IPCEF1: variants seen among roughly 807,000 people sequenced by gnomAD.
IPCEF1 encodes interaction protein for cytohesin exchange factors 1.
In IPCEF1, 31 loss-of-function variants were observed where a neutral mutation model predicts 50.9. The ratio of observed to expected loss-of-function variants is 0.61; its 90% CI spans 0.46 to 0.82. The LOEUF is 0.82. Ranked by LOEUF, IPCEF1 falls within the 40% of genes least tolerant of loss-of-function variation. The pLI, the probability that IPCEF1 is intolerant of heterozygous loss-of-function variation, is 0.00. For synonymous variants in IPCEF1, 181 were observed against 192.0 expected, an observed-to-expected ratio of 0.94 and a Z score of 0.47; for missense variants, 458 against 514.0, an observed-to-expected ratio of 0.89 and a Z score of 1.05.
intron 11 of IPCEF1, among the ~76,000 whole-genome samples, chr6:154,161,690 G>T (rs1436311455): frequency 6.6e-6 from 1 of 152,110 alleles, no homozygotes; most frequent in African/African-American, 2.4e-5. Flanking sequence ...GTAAGTCATG[G>T]CCCCTCTTCT....
At position 154,235,787 on chromosome 6, in the gene IPCEF1, C is replaced by T. The variant is rs1233728770; in HGVS notation, c.246+10804G>A. On this transcript the variant is annotated intron_variant, in intron 5 of 11. Coordinates refer to ENST00000367220, the MANE Select transcript of IPCEF1 (RefSeq NM_001130700.2). ...TATGGAAATGGCCAATAAGCACATGCGAAAGTTGCTCAAGGTCACTAGTCA... is the reference window on the plus strand; with the variant it reads ...TATGGAAATGGCCAATAAGCACATGTGAAAGTTGCTCAAGGTCACTAGTCA... Among the ~76,000 whole-genome samples, 3 of 152,208 alleles carry T rather than the reference C, an allele frequency of 2.0e-5. No homozygotes were observed. The East Asian group carries it at 5.8e-4, about 29-fold the overall frequency.
chr6:154,181,728 G>A (rs546402405), intron 10 of IPCEF1, among the ~76,000 whole-genome samples: 9 of 152,248 alleles, frequency 5.9e-5, no homozygotes, highest in Admixed American at 1.3e-4. Context: ...CCACAGGGCC[G>A]CAGGGCACGA....
At chr6:154,332,933 C>T (rs141206901) in intron 1 of IPCEF1, among the ~76,000 whole-genome samples, 124 of 152,278 alleles carry the variant, frequency 8.1e-4, no homozygotes, top group African/African-American at 1.4e-3. Flanking sequence ...CTGATGGAAA[C>T]GCTAAGGGGA....
intron 1 of IPCEF1, among the ~76,000 whole-genome samples, chr6:154,353,019 A>G (rs973648989): frequency 6.6e-6 from 1 of 152,338 alleles, no homozygotes; most frequent in Admixed American, 6.5e-5. Flanking sequence ...ACCCATTTTC[A>G]TGTCATTCTA....
At chr6:154,328,593 T>TAA (rs35105337) in intron 1 of IPCEF1, among the ~76,000 whole-genome samples, 23 of 145,644 alleles carry the variant, frequency 1.6e-4, no homozygotes, top group African/African-American at 5.5e-4. Flanking sequence ...AAAAGAAAAT[T>TAA]AAAAAAAAAA....
chr6:154,298,140 A>G (rs1782709454), intron 1 of IPCEF1, among the ~76,000 whole-genome samples: 1 of 152,198 alleles, frequency 6.6e-6, no homozygotes, highest in African/African-American at 2.4e-5. Context: ...TAGCATTTCT[A>G]TGTTCTTTTA....
intron 2 of IPCEF1, among the ~76,000 whole-genome samples, chr6:154,278,041 A>G (rs1283331853): frequency 3.3e-5 from 5 of 151,974 alleles, no homozygotes; most frequent in African/African-American, 1.2e-4. Flanking sequence ...CCTTCATTTA[A>G]CCTCAAAAGG....
At chr6:154,346,548 C>T (rs1303974489) in intron 1 of IPCEF1, among the ~76,000 whole-genome samples, 1 of 152,100 alleles carries the variant, frequency 6.6e-6, no homozygotes, top group Admixed American at 6.6e-5. Flanking sequence ...TCTTATGCTG[C>T]TATGAAGAAA....
chr6:154,231,417 T>G (rs35101391), intron 5 of IPCEF1, among the ~76,000 whole-genome samples: 2,822 of 152,290 alleles, frequency 0.019, 44 homozygotes, highest in Non-Finnish European at 0.028. Context: ...AACTATACCT[T>G]GGAGAATATG....
At chr6:154,227,966 G>C (rs1779395155) in intron 5 of IPCEF1, among the ~76,000 whole-genome samples, 1 of 137,992 alleles carries the variant, frequency 7.2e-6, no homozygotes, top group Admixed American at 7.9e-5. Flanking sequence ...GTCAAAAAAT[G>C]GTCCTTGCTT....
intron 1 of IPCEF1, among the ~76,000 whole-genome samples, chr6:154,303,255 G>A (rs1782845232): frequency 6.6e-6 from 1 of 151,792 alleles, no homozygotes; most frequent in Non-Finnish European, 1.5e-5. Context: ...CCACGCCCGG[G>A]TAATCTTTGT....
At chr6:154,192,226 A>G (rs1270688358) in intron 10 of IPCEF1, among the ~76,000 whole-genome samples, 1 of 152,072 alleles carries the variant, frequency 6.6e-6, no homozygotes, top group Non-Finnish European at 1.5e-5. Context: ...ATATCTCTTC[A>G]GCATGGGTGA....
At chr6:154,236,674 C>T (rs1418539564) in intron 5 of IPCEF1, among the ~76,000 whole-genome samples, 3 of 152,098 alleles carry the variant, frequency 2.0e-5, no homozygotes, top group Non-Finnish European at 4.4e-5. Context: ...AGTGGCTGAC[C>T]TGCTGTTAAT....
chr6:154,241,304 C>T (rs1780572922), intron 5 of IPCEF1, among the ~76,000 whole-genome samples: 1 of 150,554 alleles, frequency 6.6e-6, no homozygotes, highest in Non-Finnish European at 1.5e-5. Flanking sequence ...CTAGTCAAGG[C>T]TCAGGGGCCT....
At chr6:154,278,533 A>T (rs1391172552) in intron 2 of IPCEF1, among the ~76,000 whole-genome samples, 4 of 152,090 alleles carry the variant, frequency 2.6e-5, no homozygotes, top group South Asian at 4.1e-4. Flanking sequence ...CCCTCTCCAA[A>T]TTCCTGTCAT....
At chr6:154,318,988 T>C (rs953363693) in intron 1 of IPCEF1, among the ~76,000 whole-genome samples, 5 of 152,196 alleles carry the variant, frequency 3.3e-5, no homozygotes, top group Non-Finnish European at 2.9e-5. Context: ...TAGAACCTAA[T>C]TGAAGATAAG....
At chr6:154,311,181 T>A (rs1783069794) in intron 1 of IPCEF1, among the ~76,000 whole-genome samples, 1 of 152,306 alleles carries the variant, frequency 6.6e-6, no homozygotes. Flanking sequence ...AAAGAAAAAC[T>A]GCCAGGCATT....
Position 154,168,085 on chromosome 6 carries a change from T to C in IPCEF1, c.939A>G (p.Glu313=). 6.4e-7 allele frequency: 1 copy of C among 1,566,130 alleles called. No individual in the cohort carries two copies. Among genetic ancestry groups the C allele is most frequent in the South Asian group, 1.2e-5 (1 of 83,596 alleles). The change falls in exon 11 of 12, where the codon GAA becomes GAG. Residue 313 remains glutamate (E), a synonymous_variant. Transcript: ENST00000367220. The surrounding 1 kb of genome is among the most constrained non-coding windows in gnomAD (Gnocchi z 4.1). ...CTAATGATTTGTACAGCTTCTCCAT[T>C]TCATCATCTTCAGACACTTTTGTCT... ...KEETKVSEDD[E]MEKLYKSLEQ... is the part of the protein sequence containing the mutation.
intron 1 of IPCEF1, among the ~76,000 whole-genome samples, chr6:154,338,284 T>C (rs946941948): frequency 2.6e-5 from 4 of 151,982 alleles, no homozygotes; most frequent in Non-Finnish European, 5.9e-5. Flanking sequence ...GAGTCATAGA[T>C]ACCAAACATA....
Sources: allele counts gnomAD v4.1 joint callset (sites outside exome capture counted in the v4.1 genomes callset), GRCh38; gene constraint gnomAD v4.1.1; non-coding constraint Gnocchi (gnomAD v3.1); transcripts MANE v1.5; gene names NCBI Gene and HGNC (gene_info 2026-07-23, HGNC 2026-07-21).